LHPP: variants seen among roughly 807,000 people sequenced by gnomAD.
The protein encoded by LHPP is phospholysine phosphohistidine inorganic pyrophosphate phosphatase.
A neutral mutation model predicts 30.3 loss-of-function variants in LHPP; 24 were observed. The observed-to-expected ratio is 0.79, with a 90% CI of 0.57 to 1.11. The LOEUF (loss-of-function observed/expected upper bound fraction) is 1.11. Among genes scored for constraint, LHPP ranks in the 50% most tolerant of loss-of-function variants. The probability of loss-of-function intolerance (pLI) is 0.00; values close to 1 mark genes in which losing one functional copy is unlikely to be tolerated. For missense variants in LHPP, 356 were observed against 367.2 expected (o/e 0.97, Z 0.25); for synonymous variants, 150 against 157.1 (o/e 0.95, Z 0.34).
At chr10:124,554,674 C>A (rs1034316194) in intron 6 of LHPP, among the ~76,000 whole-genome samples, 2 of 152,006 alleles carry the variant, frequency 1.3e-5, no homozygotes, top group Admixed American at 1.3e-4. Context: ...GCCAGGTGGG[C>A]GGGGCCAGGT....
At position 124,572,962 on chromosome 10, in the gene LHPP, C is replaced by T. The variant is rs570007301; in HGVS notation, c.717-40302C>T. On this transcript the variant is annotated intron_variant, in intron 6 of 6. Transcript: ENST00000368842. ...TGGTTCCTCAATGGCGACACCCACG[C>T]ACTCAGGGCATGTATCAGTGTGCAT... 6.7e-4 allele frequency among the ~76,000 whole-genome samples: 102 copies of T among 152,342 alleles called. 1 individual carries two copies. The highest frequency in any genetic ancestry group is 1.3e-3 in the Non-Finnish European group (90 of 68,040).
At chr10:124,601,361 A>G (rs1949017808) in intron 6 of LHPP, among the ~76,000 whole-genome samples, 1 of 152,164 alleles carries the variant, frequency 6.6e-6, no homozygotes, top group Non-Finnish European at 1.5e-5. Flanking sequence ...TCCAGCTCCT[A>G]GGTTTGAAAA....
intron 6 of LHPP, among the ~76,000 whole-genome samples, chr10:124,538,566 C>T (rs1955098251): frequency 1.3e-5 from 2 of 152,178 alleles, no homozygotes; most frequent in South Asian, 4.1e-4. Context: ...CCCGCTGTGG[C>T]CCCATACCTG....
intron 6 of LHPP, among the ~76,000 whole-genome samples, chr10:124,602,890 C>A (rs1214380354): frequency 6.6e-6 from 1 of 152,216 alleles, no homozygotes; most frequent in Non-Finnish European, 1.5e-5. Context: ...GGGTTGCAAC[C>A]GCCCACACAT....
chr10:124,546,102 T>C (rs10751592), intron 6 of LHPP: 151,202 of 152,396 alleles, frequency 0.99, 75,021 homozygotes, highest in Non-Finnish European at 1. Context: ...ACAAGCTCTT[T>C]GAGGCAGAGT....
chr10:124,497,298 AGTGGGCGCAGCCCCCCCTGCCCGCC>A, intron 4 of LHPP, among the ~76,000 whole-genome samples: 1 of 52,058 alleles, frequency 1.9e-5, no homozygotes, highest in Non-Finnish European at 4.1e-5. Context: ...CCCATCCTCC[AGTGGGCGCAGCCCCCCCTGCCCGCC>A]GTGGACCCTG....
intron 6 of LHPP, among the ~76,000 whole-genome samples, chr10:124,529,817 A>ACG (rs1465581033): frequency 6.6e-6 from 1 of 151,456 alleles, no homozygotes; most frequent in Non-Finnish European, 1.5e-5. Context: ...ACACACGCAC[A>ACG]CACACACACA....
chr10:124,466,109 A>G (rs1327586154), intron 1 of LHPP, among the ~76,000 whole-genome samples: 1 of 152,184 alleles, frequency 6.6e-6, no homozygotes, highest in African/African-American at 2.4e-5. Context: ...TTTAAATAGC[A>G]AAAGACTGGA....
Position 124,493,133 on chromosome 10 carries a change from C to T in LHPP, c.468-3828C>T, listed in dbSNP as rs942195691. 5.3e-5 allele frequency among the ~76,000 whole-genome samples: 8 copies of T among 151,122 alleles called. No homozygotes were observed. In the East Asian group the frequency reaches 9.7e-4, roughly 18 times the overall value. ...ATTGTTGAAAAAGAAAAAAAAAAACCGGAAGCAGTCGCTTTCAGCTTTGTA... is the reference window on the plus strand; with the variant it reads ...ATTGTTGAAAAAGAAAAAAAAAAACTGGAAGCAGTCGCTTTCAGCTTTGTA... On this transcript the variant is annotated intron_variant, in intron 3 of 6. Transcript: ENST00000368842.
chr10:124,475,213 G>A (rs1405248961), intron 1 of LHPP, among the ~76,000 whole-genome samples: 1 of 151,546 alleles, frequency 6.6e-6, no homozygotes, highest in African/African-American at 2.4e-5. Flanking sequence ...AATAGAGATG[G>A]GGTTTCACTG....
In LHPP at chr10:124,523,362, C is replaced by CT. The variant is rs1954656121; in HGVS notation, c.716+6091_716+6092insT. On this transcript the variant is annotated intron_variant, in intron 6 of 6. Coordinates refer to ENST00000368842, the MANE Select transcript of LHPP (RefSeq NM_022126.4). The surrounding 1 kb of genome is among the most constrained non-coding windows in gnomAD (Gnocchi z 4.2). ...AGCCGCCTTGCACAAAGCTGGAAGA[C>CT]GAGGGGCTGCAGGGTGCATGGCTGT... Among the ~76,000 whole-genome samples, 1 of 152,146 alleles carries CT rather than the reference C, an allele frequency of 6.6e-6. No homozygotes were observed. The highest frequency in any genetic ancestry group is 1.5e-5 in the Non-Finnish European group (1 of 68,044).
intron 6 of LHPP, among the ~76,000 whole-genome samples, chr10:124,603,461 A>G (rs1949053653): frequency 6.6e-6 from 1 of 152,196 alleles, no homozygotes; most frequent in Non-Finnish European, 1.5e-5. Context: ...GGTCCCAGCC[A>G]GGGGAAGTGT....
chr10:124,611,706 T>TAA (rs1949202139), intron 6 of LHPP, among the ~76,000 whole-genome samples: 1 of 151,908 alleles, frequency 6.6e-6, no homozygotes, highest in East Asian at 1.9e-4. Context: ...TGAGAACCCT[T>TAA]AAAAGAAAAA....
chr10:124,547,906 G>C (rs1017527189), intron 6 of LHPP, among the ~76,000 whole-genome samples: 2 of 152,146 alleles, frequency 1.3e-5, no homozygotes, highest in Admixed American at 6.5e-5. Flanking sequence ...TGGCCACACT[G>C]TCCCTTTAGA....
rs1306398590 is a variant in LHPP, at chr10:124,613,592, G to A, written c.*232G>A. 1.7e-6 allele frequency: 1 copy of A among 579,360 alleles called. No individual in the cohort carries two copies. Among genetic ancestry groups the A allele is most frequent in the African/African-American group, 1.9e-5 (1 of 53,470 alleles). 35.9% of individuals were successfully genotyped at this position (579,360 alleles called of 1,614,324 possible). ...TGGGCAGGCATTTGTTCCCTACCTGGGTGGCCTGCTCCCCTGCCTGGGCCC... is the reference window on the plus strand; with the variant it reads ...TGGGCAGGCATTTGTTCCCTACCTGAGTGGCCTGCTCCCCTGCCTGGGCCC... On this transcript the variant is annotated 3_prime_UTR_variant, in exon 7 of 7. Coordinates refer to ENST00000368842, the MANE Select transcript of LHPP (RefSeq NM_022126.4).
At chr10:124,600,236 G>A (rs1052826360) in intron 6 of LHPP, among the ~76,000 whole-genome samples, 2 of 152,228 alleles carry the variant, frequency 1.3e-5, no homozygotes, top group African/African-American at 2.4e-5. Context: ...CCAGGATCCT[G>A]GGTTGCTGGT....
Position 124,576,617 on chromosome 10 carries a change from CCAGG to C in LHPP, c.717-36645_717-36642del, listed in dbSNP as rs1420747691. 6.6e-6 allele frequency among the ~76,000 whole-genome samples: 1 copy of C among 152,024 alleles called. No homozygotes were observed. The highest frequency in any genetic ancestry group is 1.5e-5 in the Non-Finnish European group (1 of 67,982). ...CCAGACCCTCCTCCATGGTCTGCCC[CCAGG>C]CCTGCTGGTAATATGGGATACAGAG... On this transcript the variant is annotated intron_variant, in intron 6 of 6. Coordinates refer to ENST00000368842, the MANE Select transcript of LHPP (RefSeq NM_022126.4). This position sits in a 1 kb window ranked among gnomAD's most constrained non-coding sequence, Gnocchi z 4.2.
chr10:124,471,377 G>T (rs1366108860), intron 1 of LHPP, among the ~76,000 whole-genome samples: 1 of 126,846 alleles, frequency 7.9e-6, no homozygotes, highest in Non-Finnish European at 1.6e-5. Flanking sequence ...ATTTTGAGTA[G>T]AACTCCAAAA....
At chr10:124,602,694 A>C (rs911980981) in intron 6 of LHPP, among the ~76,000 whole-genome samples, 4 of 152,086 alleles carry the variant, frequency 2.6e-5, no homozygotes, top group Non-Finnish European at 5.9e-5. Flanking sequence ...CACCCACTGG[A>C]AGGAAAGGGG....
Sources: gnomAD v4.1 joint callset for allele counts (sites outside exome capture counted in the v4.1 genomes callset) on GRCh38, gnomAD v4.1.1 for gene constraint, Gnocchi (gnomAD v3.1) non-coding constraint, MANE v1.5 for transcripts, NCBI Gene and HGNC (gene_info 2026-07-23, HGNC 2026-07-21) for gene names.